The following PEAK1 variants were observed in gnomAD, a reference collection of about 807,000 sequenced individuals.
PEAK1 encodes the protein inactive tyrosine-protein kinase PEAK1.
In PEAK1, 54 loss-of-function variants were observed where a neutral mutation model predicts 124.7. That is an observed-to-expected ratio of 0.43 (90% CI 0.35 to 0.54). PEAK1 has a LOEUF of 0.54. Ranked by LOEUF, PEAK1 falls within the 20% of genes least tolerant of loss-of-function variation. PEAK1 has a pLI of 0.01. For missense variants in PEAK1, 2,046 were observed against 2,134.5 expected (o/e 0.96, Z 0.82); for synonymous variants, 719 against 760.0 (o/e 0.95, Z 0.89).
chr15:77,256,905 T>C (rs1290080791), intron 5 of PEAK1, among the ~76,000 whole-genome samples: 2 of 117,514 alleles, frequency 1.7e-5, no homozygotes, highest in Non-Finnish European at 3.2e-5. Context: ...GTCCCCAGAG[T>C]GTGATGTTCC....
intron 8 of PEAK1, among the ~76,000 whole-genome samples, chr15:77,136,886 C>G (rs918622018): frequency 2.0e-5 from 3 of 152,200 alleles, no homozygotes; most frequent in South Asian, 2.1e-4. Flanking sequence ...GGCAGACCCT[C>G]CCATCAGAGG....
intron 2 of PEAK1, among the ~76,000 whole-genome samples, chr15:77,351,308 G>C (rs1012209132): frequency 6.6e-6 from 1 of 152,146 alleles, no homozygotes; most frequent in African/African-American, 2.4e-5. Flanking sequence ...GTGCAAAGTT[G>C]GGAGGGCAGA....
chr15:77,254,433 T>TG (rs1467128631), intron 5 of PEAK1, among the ~76,000 whole-genome samples: 1 of 152,100 alleles, frequency 6.6e-6, no homozygotes, highest in Non-Finnish European at 1.5e-5. Context: ...GTATTTATTA[T>TG]TTTGTTTGTT....
At chr15:77,134,927 C>T (rs990520159) in intron 8 of PEAK1, among the ~76,000 whole-genome samples, 2 of 152,146 alleles carry the variant, frequency 1.3e-5, no homozygotes, top group African/African-American at 2.4e-5. Context: ...GAAGAAAAAA[C>T]ACCATGTAAA....
chr15:77,167,756 A>G (rs2056208920), intron 7 of PEAK1, among the ~76,000 whole-genome samples: 1 of 151,920 alleles, frequency 6.6e-6, no homozygotes, highest in Non-Finnish European at 1.5e-5. Flanking sequence ...TTTTCATTAT[A>G]CTTTAAGTTC....
At chr15:77,257,709 T>C (rs1258473067) in intron 5 of PEAK1, among the ~76,000 whole-genome samples, 2 of 152,080 alleles carry the variant, frequency 1.3e-5, no homozygotes, top group Non-Finnish European at 2.9e-5. Flanking sequence ...TTTCTTTTGC[T>C]GTGCAGAAGC....
At chr15:77,216,651 G>GA (rs1308277268) in intron 6 of PEAK1, among the ~76,000 whole-genome samples, 5 of 152,296 alleles carry the variant, frequency 3.3e-5, no homozygotes, top group South Asian at 2.1e-4. Flanking sequence ...TATTTGTGAG[G>GA]AAAAAATTAA....
In PEAK1 at chr15:77,161,462, T is replaced by TA. The variant is rs2055632770; in HGVS notation, c.3138-2767dup. On this transcript the variant is annotated intron_variant, in intron 7 of 9. Transcript: ENST00000682557. ...AGCACATTTTAAATAAGTGCACTGG[T>TA]ATATTAAATCATCAATTAAAGTAAT... Among the ~76,000 whole-genome samples the TA allele has an allele frequency of 2.6e-5, 4 of 152,242 alleles. No homozygotes were observed. In the South Asian group the frequency reaches 8.3e-4, roughly 32 times the overall value.
intron 6 of PEAK1, among the ~76,000 whole-genome samples, chr15:77,236,502 T>C (rs1043571020): frequency 6.6e-6 from 1 of 152,238 alleles, no homozygotes; most frequent in African/African-American, 2.4e-5. Flanking sequence ...GTTCCCTCCA[T>C]TGTAACTTGG....
intron 7 of PEAK1, among the ~76,000 whole-genome samples, chr15:77,175,813 T>C (rs1005126914): frequency 5.3e-5 from 8 of 152,164 alleles, no homozygotes; most frequent in Non-Finnish European, 7.3e-5. Context: ...CGTATGTTTA[T>C]TGCGGCATTA....
Position 77,315,584 on chromosome 15 carries a change from T to A in PEAK1, c.-602-29080A>T, listed in dbSNP as rs115888865. Among the ~76,000 whole-genome samples the A allele has an allele frequency of 4.3e-3, 652 of 151,850 alleles. 1 individual carries two copies. Among genetic ancestry groups the A allele is most frequent in the African/African-American group, 0.013 (557 of 41,438 alleles). On this transcript the variant is annotated intron_variant, in intron 2 of 9. Coordinates refer to ENST00000682557, the MANE Select transcript of PEAK1 (RefSeq NM_001385026.1). ...ACTTTCCCATTGTTCCTGAATTTGT[T>A]ATCCCATATATAAACAGAAACACGG...
chr15:77,272,372 A>C (rs1390437987), intron 5 of PEAK1, among the ~76,000 whole-genome samples: 2 of 152,232 alleles, frequency 1.3e-5, no homozygotes, highest in African/African-American at 2.4e-5. Flanking sequence ...TAGTGAGATT[A>C]ACCAAGAAAG....
intron 8 of PEAK1, among the ~76,000 whole-genome samples, chr15:77,150,527 T>C (rs2054521539): frequency 6.6e-6 from 1 of 152,190 alleles, no homozygotes; most frequent in Non-Finnish European, 1.5e-5. Context: ...TTATTTTTAT[T>C]ACACTTTAAG....
At chr15:77,419,709 G>A in intron 1 of PEAK1, 1 of 978,280 alleles carries the variant, frequency 1.0e-6, no homozygotes, top group Non-Finnish European at 1.2e-6. Flanking sequence ...CCTTCCTCTG[G>A]GGGGCGTCGC....
intron 6 of PEAK1, among the ~76,000 whole-genome samples, chr15:77,250,215 A>ATG (rs2060804806): frequency 2.9e-5 from 4 of 138,842 alleles, no homozygotes; most frequent in African/African-American, 1.1e-4. Flanking sequence ...ATATATGTAT[A>ATG]TATATACACA....
At chr15:77,185,211 T>C (rs1476596297) in intron 6 of PEAK1, among the ~76,000 whole-genome samples, 1 of 152,208 alleles carries the variant, frequency 6.6e-6, no homozygotes, top group Non-Finnish European at 1.5e-5. Context: ...GGTGCAACTT[T>C]TGAAGGGAAG....
rs548380204 is a variant in PEAK1, at chr15:77,320,206, C to T, written c.-602-33702G>A. Reference sequence around the variant, plus strand: ...CCCTGTTACCTGACCTCCTTAGTTCCTCTTTACTCCCTAGTGTCACTCCTA... The same window carrying T: ...CCCTGTTACCTGACCTCCTTAGTTCTTCTTTACTCCCTAGTGTCACTCCTA... On this transcript the variant is annotated intron_variant, in intron 2 of 9. Transcript: ENST00000682557. Among the ~76,000 whole-genome samples, 11 of 152,198 alleles carry T rather than the reference C, an allele frequency of 7.2e-5. No homozygotes were observed. In the South Asian group the frequency reaches 2.3e-3, roughly 32 times the overall value.
chr15:77,176,044 T>C (rs1034928749), intron 7 of PEAK1, among the ~76,000 whole-genome samples: 28 of 151,672 alleles, frequency 1.8e-4, no homozygotes, highest in African/African-American at 6.8e-4. Flanking sequence ...TAGATGGGAA[T>C]TGAACAATGA....
upstream of PEAK1, chr15:77,420,661 G>C: frequency 2.6e-6 from 1 of 381,510 alleles, no homozygotes; most frequent in Admixed American, 4.5e-5. Context: ...AAACCTCCAC[G>C]AAAATAAGGC....
Sources: gnomAD v4.1 joint callset for allele counts (sites outside exome capture counted in the v4.1 genomes callset) on GRCh38, gnomAD v4.1.1 for gene constraint, MANE v1.5 for transcripts, NCBI Gene and HGNC (gene_info 2026-07-23, HGNC 2026-07-21) for gene names.